SLC25A33: variants seen among roughly 807,000 people sequenced by gnomAD.
SLC25A33 encodes the protein solute carrier family 25 member 33.
Under a neutral mutation model 35.5 loss-of-function variants are expected in SLC25A33, and 15 were observed. The observed-to-expected ratio is 0.42, with a 90% CI of 0.28 to 0.65. The LOEUF is 0.65. SLC25A33 is among the 30% of genes least tolerant of loss of function. The pLI is 0.20. For synonymous variants in SLC25A33, 136 were observed against 148.7 expected, an observed-to-expected ratio of 0.91 and a Z score of 0.62; for missense variants, 257 against 398.5, an observed-to-expected ratio of 0.64 and a Z score of 3.02.
intron 4 of SLC25A33, among the ~76,000 whole-genome samples, chr1:9,571,445 C>T (rs1215330832): frequency 6.6e-6 from 1 of 151,886 alleles, no homozygotes; most frequent in African/African-American, 2.4e-5. Flanking sequence ...AGGCACGTGT[C>T]ACCACACCCA....
rs1465760128 is a variant in SLC25A33 at position 9,562,873 on chromosome 1, A to G, written c.237-4411A>G. 3.3e-5 allele frequency among the ~76,000 whole-genome samples: 5 copies of G among 150,528 alleles called. No homozygotes were observed. In the East Asian group the frequency reaches 7.8e-4, roughly 23 times the overall value. On this transcript the variant is annotated intron_variant, in intron 2 of 6. Coordinates refer to ENST00000302692, the MANE Select transcript of SLC25A33 (RefSeq NM_032315.3). ...CCGTTTCAAAAAAAAAAAAAAAATT[A>G]TATAAATTGAACTAAGGTCTGACTT...
chr1:9,563,956 G>A (rs1255959529), intron 2 of SLC25A33, among the ~76,000 whole-genome samples: 1 of 152,136 alleles, frequency 6.6e-6, no homozygotes, highest in Non-Finnish European at 1.5e-5. Context: ...ACTGCTCCCA[G>A]CCATTCTATT....
At chr1:9,579,104 T>C (rs1173306762) in intron 5 of SLC25A33, among the ~76,000 whole-genome samples, 3 of 152,212 alleles carry the variant, frequency 2.0e-5, no homozygotes, top group African/African-American at 7.2e-5. Flanking sequence ...TACAAAGATA[T>C]GTGGGAAAAA....
chr1:9,550,577 TA>T (rs1643252442), intron 1 of SLC25A33, among the ~76,000 whole-genome samples: 1 of 152,168 alleles, frequency 6.6e-6, no homozygotes, highest in Non-Finnish European at 1.5e-5. Context: ...TTATACTTTT[TA>T]GGCATGTGGT....
intron 1 of SLC25A33, among the ~76,000 whole-genome samples, chr1:9,541,809 GT>G (rs1250177384): frequency 2.7e-5 from 4 of 146,892 alleles, no homozygotes; most frequent in Non-Finnish European, 6.0e-5. Context: ...TTTGCTTTTT[GT>G]TTTTTTTCAG....
At chr1:9,540,869 G>C (rs1643068951) in intron 1 of SLC25A33, among the ~76,000 whole-genome samples, 1 of 152,162 alleles carries the variant, frequency 6.6e-6, no homozygotes, top group African/African-American at 2.4e-5. Flanking sequence ...GCAGTCACCA[G>C]GTTACTTTAA....
chr1:9,563,175 C>T (rs1356091247), intron 2 of SLC25A33, among the ~76,000 whole-genome samples: 1 of 152,112 alleles, frequency 6.6e-6, no homozygotes, highest in African/African-American at 2.4e-5. Flanking sequence ...CCGCCCGCCT[C>T]GGCCTCCCAG....
At chr1:9,545,099 A>G (rs1182071477) in intron 1 of SLC25A33, among the ~76,000 whole-genome samples, 1 of 152,206 alleles carries the variant, frequency 6.6e-6, no homozygotes, top group Non-Finnish European at 1.5e-5. Context: ...TAAAAGGATT[A>G]GAAGGTTAAC....
intron 2 of SLC25A33, among the ~76,000 whole-genome samples, chr1:9,559,062 G>A (rs931823665): frequency 6.6e-6 from 1 of 152,154 alleles, no homozygotes; most frequent in African/African-American, 2.4e-5. Context: ...GGTGTTTGCA[G>A]TAGACATTGT....
chr1:9,563,985 GATTATTTGTGAGCT>G (rs1354739584), intron 2 of SLC25A33, among the ~76,000 whole-genome samples: 2 of 152,098 alleles, frequency 1.3e-5, no homozygotes, highest in Non-Finnish European at 2.9e-5. Flanking sequence ...ACTAGCATAT[GATTATTTGTGAGCT>G]AGATCAACCT....
intron 2 of SLC25A33, among the ~76,000 whole-genome samples, chr1:9,564,523 T>C (rs1643471457): frequency 6.6e-6 from 1 of 151,666 alleles, no homozygotes; most frequent in South Asian, 2.1e-4. Flanking sequence ...AACCCAAGTG[T>C]CCATCGATGG....
At chr1:9,550,417 A>G (rs1643249855) in intron 1 of SLC25A33, among the ~76,000 whole-genome samples, 1 of 152,080 alleles carries the variant, frequency 6.6e-6, no homozygotes, top group Non-Finnish European at 1.5e-5. Flanking sequence ...GTTGACCTGT[A>G]TGGTATTTGA....
chr1:9,541,534 G>T (rs892995121), intron 1 of SLC25A33, among the ~76,000 whole-genome samples: 1 of 152,070 alleles, frequency 6.6e-6, no homozygotes, highest in Non-Finnish European at 1.5e-5. Flanking sequence ...TCAAGTGATG[G>T]CCCACCTTGG....
At chr1:9,572,457 A>C (rs1643604213) in intron 4 of SLC25A33, among the ~76,000 whole-genome samples, 1 of 83,266 alleles carries the variant, frequency 1.2e-5, no homozygotes, top group Non-Finnish European at 2.2e-5. Flanking sequence ...TAAAAATACA[A>C]AAAAAAAAAA....
chr1:9,541,769 T>A (rs1643086161), intron 1 of SLC25A33, among the ~76,000 whole-genome samples: 1 of 151,966 alleles, frequency 6.6e-6, no homozygotes, highest in Non-Finnish European at 1.5e-5. Context: ...GCTCAGTGAT[T>A]TTGACTTACT....
chr1:9,576,595 G>A, intron 5 of SLC25A33: 2 of 573,418 alleles, frequency 3.5e-6, no homozygotes, highest in Middle Eastern at 5.5e-4. Flanking sequence ...CACACGGTGG[G>A]GTAACAGAAA....
chr1:9,581,852 A>G (rs889323865), intron 6 of SLC25A33, among the ~76,000 whole-genome samples: 10 of 152,180 alleles, frequency 6.6e-5, no homozygotes, highest in African/African-American at 2.4e-4. Flanking sequence ...TCTCTAGGTT[A>G]TGTGACTTTC....
intron 1 of SLC25A33, among the ~76,000 whole-genome samples, chr1:9,544,378 C>T (rs776331010): frequency 1.4e-4 from 21 of 151,054 alleles, no homozygotes; most frequent in Non-Finnish European, 2.9e-4. Flanking sequence ...AAGCAATTCT[C>T]GTGCCTCAGC....
chr1:9,570,921 C>T (rs1275507006), intron 4 of SLC25A33, among the ~76,000 whole-genome samples: 26 of 151,974 alleles, frequency 1.7e-4, no homozygotes, highest in Admixed American at 1.2e-3. Flanking sequence ...CCACATTGCC[C>T]GGGCTGATCT....
Sources: gnomAD v4.1 joint callset for allele counts (sites outside exome capture counted in the v4.1 genomes callset) on GRCh38, gnomAD v4.1.1 for gene constraint, MANE v1.5 for transcripts, NCBI Gene and HGNC (gene_info 2026-07-23, HGNC 2026-07-21) for gene names.